Variants in NIN observed in about 807,000 individuals in gnomAD.
The protein encoded by NIN is ninein.
A neutral mutation model predicts 257.6 loss-of-function variants in NIN; 137 were observed. The observed-to-expected ratio is 0.53, with a 90% CI of 0.46 to 0.61. NIN has a LOEUF of 0.61. Among genes scored for constraint, NIN ranks in the 20% least tolerant of loss-of-function variants. NIN has a pLI of 0.00. For synonymous variants in NIN, 918 were observed against 919.8 expected (o/e 1.00, Z 0.04); for missense variants, 2,439 against 2,501.2 (o/e 0.98, Z 0.53).
chr14:50,795,165 T>C (rs1175460851), intron 4 of NIN, among the ~76,000 whole-genome samples: 3 of 152,210 alleles, frequency 2.0e-5, no homozygotes, highest in African/African-American at 2.4e-5. Flanking sequence ...ATAAAGACAT[T>C]AGCACACACA....
At chr14:50,755,648 CTTTTTTTTTTTTTTTTTT>C (rs71118900) in intron 18 of NIN, among the ~76,000 whole-genome samples, 3 of 79,990 alleles carry the variant, frequency 3.8e-5, no homozygotes, top group Non-Finnish European at 2.2e-5. Context: ...TGTTTTGTCT[CTTTTTTTTTTTTTTTTTT>C]TTTTTTTTTT....
chr14:50,725,822 C>T lies in NIN; in HGVS notation c.6192+131G>A. On this transcript the variant is annotated intron_variant, in intron 30 of 30. Coordinates refer to ENST00000530997, the MANE Select transcript of NIN (RefSeq NM_020921.4). ...AGGGATAGCAAATCCTAAGTTCTTA[C>T]AGACATTTATAATAGAATTTGCCTT... 4.6e-6 allele frequency: 7 copies of T among 1,521,328 alleles called. No homozygotes were observed. The South Asian group carries it at 4.9e-5, about 11-fold the overall frequency. 94.2% of individuals were successfully genotyped at this position (1,521,328 alleles called of 1,614,324 possible).
chr14:50,756,397 A>G lies in NIN; in HGVS notation c.4538+95T>C, dbSNP rs564721782. The G allele has an allele frequency of 1.4e-3, 1,881 of 1,298,826 alleles. 1 individual carries two copies. The highest frequency in any genetic ancestry group is 1.8e-3 in the Non-Finnish European group (1,679 of 946,876). The allele number at this position is 1,298,826 out of a possible 1,614,324, so 80.5% of individuals were successfully genotyped here. ...GAGTACTGCTCTCTTCGTGAAGACT[A>G]CTAGGTTAGTTTCTCTAGGCACGGC... On this transcript the variant is annotated intron_variant, in intron 18 of 30. Transcript: ENST00000530997.
chr14:50,759,759 G>A (rs1357835479), intron 17 of NIN, 98 bp downstream of exon 17: 4 of 1,319,684 alleles, frequency 3.0e-6, no homozygotes, highest in Non-Finnish European at 4.1e-6. Flanking sequence ...AGAGTGCTGG[G>A]ATTACAGGCG....
chr14:50,736,037 C>T (rs1439102859), intron 27 of NIN, among the ~76,000 whole-genome samples: 2 of 152,130 alleles, frequency 1.3e-5, no homozygotes, highest in African/African-American at 4.8e-5. Flanking sequence ...TATGGATCTG[C>T]AGCAGGAAAA....
chr14:50,727,047 T>C (rs978934237), intron 29 of NIN, among the ~76,000 whole-genome samples: 4 of 152,032 alleles, frequency 2.6e-5, no homozygotes, highest in Admixed American at 2.0e-4. Flanking sequence ...TTACAAAAAA[T>C]TGGGCCTGGA....
intron 20 of NIN, among the ~76,000 whole-genome samples, chr14:50,754,302 G>T (rs189890989): frequency 5.6e-4 from 85 of 152,248 alleles, no homozygotes; most frequent in Non-Finnish European, 1.1e-3. Flanking sequence ...GGTTTTAGAG[G>T]TATCACCTCC....
intron 15 of NIN, 75 bp from the exon 16 acceptor site, chr14:50,761,986 T>A (rs896820999): frequency 1.7e-5 from 26 of 1,503,926 alleles, no homozygotes; most frequent in Non-Finnish European, 2.4e-5. Flanking sequence ...AGGAGGGACA[T>A]CCAGTTTAAC....
At chr14:50,740,337 T>C (rs1165118419) in intron 25 of NIN, among the ~76,000 whole-genome samples, 5 of 147,014 alleles carry the variant, frequency 3.4e-5, no homozygotes, top group Non-Finnish European at 6.0e-5. Flanking sequence ...TGGGCGCATG[T>C]ACTACCACAG....
chr14:50,767,451 A>C (rs1433470029), intron 12 of NIN, among the ~76,000 whole-genome samples: 2 of 152,230 alleles, frequency 1.3e-5, no homozygotes, highest in African/African-American at 4.8e-5. Flanking sequence ...AATATTGACA[A>C]ATGAAAGAAA....
intron 11 of NIN, 60 bp downstream of exon 11, chr14:50,770,792 G>A (rs2042697817): frequency 1.3e-6 from 2 of 1,555,790 alleles, no homozygotes; most frequent in Non-Finnish European, 1.7e-6. Context: ...TGCAGCTGCA[G>A]GCGCCACTGC....
At chr14:50,822,643 T>C (rs1337020387) in intron 2 of NIN, among the ~76,000 whole-genome samples, 1 of 152,152 alleles carries the variant, frequency 6.6e-6, no homozygotes, top group Middle Eastern at 3.2e-3. Context: ...CCATCATAGC[T>C]AGACTGGAGG....
Position 50,766,775 on chromosome 14 carries a change from T to G in NIN, c.1545+5A>C. ...TATCAGGAAATGAGATTTGAACAGG[T>G]TTACCTTTTCTGCTAACACATTTTC... On this transcript the variant is annotated splice_donor_5th_base_variant and intron_variant, in intron 13 of 30. Transcript: ENST00000530997. The G allele has an allele frequency of 6.3e-7, 1 of 1,594,592 alleles. No homozygotes were observed. The highest frequency in any genetic ancestry group is 8.6e-7 in the Non-Finnish European group (1 of 1,162,376).
intron 28 of NIN, among the ~76,000 whole-genome samples, chr14:50,733,048 A>G (rs995364837): frequency 6.6e-6 from 1 of 151,652 alleles, no homozygotes; most frequent in African/African-American, 2.4e-5. Flanking sequence ...AGCCTGGGTG[A>G]CAGAATCTCA....
In NIN at chr14:50,759,923, G is replaced by A; in HGVS notation, c.2333C>T (p.Thr778Ile). The change falls in exon 17 of 31, where the codon ACT becomes ATT. Residue 778 changes from threonine to isoleucine, a missense_variant. Around this residue, in one of 3 missense-constraint regions of NIN, gnomAD observed 2,043 missense variants for 2,050.2 expected, o/e 1.00. Coordinates refer to ENST00000530997, the MANE Select transcript of NIN (RefSeq NM_020921.4). Reference protein sequence around the residue: ...EQLTSLVEKHTLEKEELRKEL... With the variant: ...EQLTSLVEKHILEKEELRKEL... ...TTTTCTTAACTCCTCTTTCTCAAGAGTGTGTTTCTCCACCAGGCTTGTCAG... is the reference window on the plus strand; with the variant it reads ...TTTTCTTAACTCCTCTTTCTCAAGAATGTGTTTCTCCACCAGGCTTGTCAG... 6 of 1,614,124 alleles carry A rather than the reference G, an allele frequency of 3.7e-6. No individual in the cohort carries two copies. The highest frequency in any genetic ancestry group is 2.2e-5 in the South Asian group (2 of 91,076).
intron 3 of NIN, among the ~76,000 whole-genome samples, chr14:50,812,446 A>G (rs775470331): frequency 4.6e-5 from 7 of 152,200 alleles, no homozygotes; most frequent in Non-Finnish European, 8.8e-5. Flanking sequence ...TGTAAAGCAC[A>G]CACCAAGTAT....
intron 5 of NIN, among the ~76,000 whole-genome samples, chr14:50,781,903 TG>T (rs2043148743): frequency 6.6e-6 from 1 of 152,086 alleles, no homozygotes. Context: ...TGGGTAGACC[TG>T]GGGAGGTATC....
chr14:50,792,999 G>A (rs1595881843), intron 4 of NIN, 118 bp from the exon 5 acceptor site: 1 of 1,010,898 alleles, frequency 9.9e-7, no homozygotes, highest in South Asian at 1.6e-5. Flanking sequence ...ACCACTGTTT[G>A]CCAATTGTGG....
rs905496938 is a variant in NIN, at chr14:50,758,383, C to T, written c.2647G>A (p.Glu883Lys). The T allele has an allele frequency of 2.5e-6, 4 of 1,613,996 alleles. No individual in the cohort carries two copies. The African/African-American group carries it at 5.3e-5, about 22-fold the overall frequency. ...QELLKETLKR[E>K]KTTSLVLTQE... is the part of the protein sequence containing the mutation. ...GTCAGGACCAGAGAAGTTGTTTTCT[C>T]TCTCTTAAGAGTCTCTTTCAGCAGC... The change falls in exon 18 of 31, where the codon GAG (glutamate) becomes AAG (lysine). Residue 883 changes from glutamate to lysine, a missense_variant. Physicochemically the swap from Glu to Lys is moderately conservative, Grantham distance 56. Transcript: ENST00000530997.
Sources: allele counts gnomAD v4.1 joint callset (sites outside exome capture counted in the v4.1 genomes callset), GRCh38; gene constraint gnomAD v4.1.1; regional missense constraint gnomAD v4.1.1; transcripts MANE v1.5; gene names NCBI Gene and HGNC (gene_info 2026-07-23, HGNC 2026-07-21).